USP47: variants seen among roughly 807,000 people sequenced by gnomAD.
USP47 encodes the protein ubiquitin specific peptidase 47.
USP47 carries 35 observed loss-of-function variants against 165.1 expected under a neutral mutation model. That is an observed-to-expected ratio of 0.21 (90% confidence interval 0.16 to 0.28). The LOEUF is 0.28. Among genes scored for constraint, USP47 ranks in the 10% least tolerant of loss-of-function variants. The probability of loss-of-function intolerance (pLI) is 1.00; values close to 1 mark genes in which losing one functional copy is unlikely to be tolerated. For synonymous variants in USP47, 531 were observed against 544.5 expected (o/e 0.98, Z 0.35); for missense variants, 1,277 against 1,607.4 (o/e 0.79, Z 3.52).
chr11:11,929,400 TCTC>T (rs1352949230), intron 11 of USP47, 31 bp from the exon 12 acceptor site: 1 of 1,604,360 alleles, frequency 6.2e-7, no homozygotes, highest in Non-Finnish European at 8.5e-7. Context: ...GTGTTTTCCT[TCTC>T]CTCTGAGTTA....
chr11:11,909,675 C>T (rs1036897381), intron 8 of USP47, among the ~76,000 whole-genome samples: 1 of 152,082 alleles, frequency 6.6e-6, no homozygotes, highest in South Asian at 2.1e-4. Flanking sequence ...TTGTTCATTA[C>T]GTACATTTAA....
chr11:11,905,332 T>C, intron 7 of USP47, 67 bp from the exon 8 acceptor site: 1 of 1,226,036 alleles, frequency 8.2e-7, no homozygotes, highest in Non-Finnish European at 1.1e-6. Context: ...CTAAAAAGTG[T>C]AGAATGTTAC....
At chr11:11,923,021 T>C (rs544585767) in intron 11 of USP47, 130 bp downstream of exon 11, 7 of 374,944 alleles carry the variant, frequency 1.9e-5, no homozygotes, top group African/African-American at 9.1e-5. Flanking sequence ...TTAAGACTTC[T>C]CAAATATAGT....
In USP47 at chr11:11,903,360, A is replaced by G. The variant is rs1852348826; in HGVS notation, c.819+18A>G. Reference sequence around the variant, plus strand: ...CAGAACAGGTAATTTATATCTCTCAAATCAAGGGGACTGTTTCCTAATAAA... The same window carrying G: ...CAGAACAGGTAATTTATATCTCTCAGATCAAGGGGACTGTTTCCTAATAAA... On this transcript the variant is annotated intron_variant, in intron 7 of 27. Coordinates refer to ENST00000527733, the MANE Select transcript of USP47 (RefSeq NM_001282659.2). 6.2e-7 allele frequency: 1 copy of G among 1,601,044 alleles called. No individual in the cohort carries two copies.
chr11:11,850,839 T>C (rs1848684904), intron 1 of USP47, among the ~76,000 whole-genome samples: 1 of 152,232 alleles, frequency 6.6e-6, no homozygotes, highest in South Asian at 2.1e-4. Context: ...AGATTTGGTG[T>C]CTGGTAAAAG....
At chr11:11,852,269 T>C (rs1417456854) in intron 1 of USP47, among the ~76,000 whole-genome samples, 1 of 152,232 alleles carries the variant, frequency 6.6e-6, no homozygotes, top group Non-Finnish European at 1.5e-5. Context: ...TTTAAATTCT[T>C]CTGTGAGGAG....
intron 19 of USP47, among the ~76,000 whole-genome samples, chr11:11,941,026 T>G (rs913090690): frequency 6.6e-6 from 1 of 151,994 alleles, no homozygotes; most frequent in African/African-American, 2.4e-5. Flanking sequence ...TACTTATTTT[T>G]CTCTGTTGGA....
intron 11 of USP47, among the ~76,000 whole-genome samples, chr11:11,923,713 C>G (rs1237314274): frequency 7.2e-5 from 11 of 152,156 alleles, no homozygotes; most frequent in African/African-American, 2.7e-4. Flanking sequence ...TAGAGTTTTA[C>G]TTTCATAAAT....
intron 20 of USP47, among the ~76,000 whole-genome samples, chr11:11,946,789 G>A (rs1229318671): frequency 2.0e-5 from 3 of 152,106 alleles, no homozygotes; most frequent in African/African-American, 7.2e-5. Flanking sequence ...AACTCAAAAG[G>A]TAGATAGTAA....
intron 10 of USP47, among the ~76,000 whole-genome samples, chr11:11,920,930 T>A (rs7480817): frequency 0.18 from 27,368 of 150,936 alleles, 2,912 homozygotes; most frequent in Admixed American, 0.35. Flanking sequence ...TAATTTCTTG[T>A]ACTTACCTAC....
At position 11,952,821 on chromosome 11, in the gene USP47, T is replaced by C; in HGVS notation, c.3664T>C (p.Phe1222Leu). The stretch of plus-strand genomic sequence containing the variant: ...GCCTTCAGAGATGAAGTTGGATCCC[T>C]TCCAGGAGGTTGTATTGGAAAGCAG... ...WKPSEMKLDP[F>L]QEVVLESSSV... Residue 1222 changes from phenylalanine (F) to leucine (L), a missense_variant, in exon 25 of 28, where the codon TTC becomes CTC. Phe to Leu is a conservative substitution (Grantham distance 22). Coordinates refer to ENST00000527733, the MANE Select transcript of USP47 (RefSeq NM_001282659.2). 6.2e-7 allele frequency: 1 copy of C among 1,612,700 alleles called. No individual in the cohort carries two copies. Among genetic ancestry groups the C allele is most frequent in the Non-Finnish European group, 8.5e-7 (1 of 1,179,216 alleles).
chr11:11,920,173 A>G lies in USP47; in HGVS notation c.987A>G (p.Ala329=). Residue 329 remains alanine (A), a synonymous_variant, in exon 9 of 28, where the codon GCA becomes GCG. Transcript: ENST00000527733. ...AFASVEEALH[A]FIQPEILDGP... is the part of the protein sequence containing the mutation. ...CTAACTAGGAAGAAGCATTGCATGC[A>G]TTTATTCAGCCAGAGATTCTGGATG... The G allele has an allele frequency of 6.2e-7, 1 of 1,600,186 alleles. No individual in the cohort carries two copies. Among genetic ancestry groups the G allele is most frequent in the Non-Finnish European group, 8.5e-7 (1 of 1,173,608 alleles).
At chr11:11,933,193 C>T (rs1418797845) in intron 15 of USP47, 77 bp downstream of exon 15, 8 of 1,131,590 alleles carry the variant, frequency 7.1e-6, no homozygotes, top group African/African-American at 1.5e-5. Flanking sequence ...ATGACTAACT[C>T]ATTGGGTTGA....
chr11:11,882,958 CTG>C (rs1195148214), intron 2 of USP47, among the ~76,000 whole-genome samples: 2 of 152,156 alleles, frequency 1.3e-5, no homozygotes, highest in Non-Finnish European at 2.9e-5. Context: ...AGCTCTATTT[CTG>C]TATTTTTATT....
intron 1 of USP47, among the ~76,000 whole-genome samples, chr11:11,847,732 T>C (rs1405911724): frequency 6.6e-6 from 1 of 152,242 alleles, no homozygotes; most frequent in Non-Finnish European, 1.5e-5. Flanking sequence ...GCCTTTCTAA[T>C]TGGTCAGTCT....
At chr11:11,938,727 G>A (rs137992098) in intron 18 of USP47, among the ~76,000 whole-genome samples, 20 of 152,006 alleles carry the variant, frequency 1.3e-4, no homozygotes, top group African/African-American at 4.1e-4. Flanking sequence ...TTTTAAGTGC[G>A]GCAATGCTGC....
intron 8 of USP47, among the ~76,000 whole-genome samples, chr11:11,915,634 T>C (rs897794428): frequency 2.0e-5 from 3 of 152,164 alleles, no homozygotes; most frequent in African/African-American, 7.2e-5. Context: ...ATGTTATTTC[T>C]TACGATTGCA....
intron 20 of USP47, 40 bp from the exon 21 acceptor site, chr11:11,947,905 T>C (rs751170263): frequency 1.3e-6 from 2 of 1,564,202 alleles, no homozygotes; most frequent in Non-Finnish European, 1.7e-6. Flanking sequence ...AGGTTTCTTT[T>C]ACATTTTTGT....
At chr11:11,947,705 CTAAA>C (rs1855934493) in intron 20 of USP47, among the ~76,000 whole-genome samples, 1 of 152,130 alleles carries the variant, frequency 6.6e-6, no homozygotes, top group Admixed American at 6.6e-5. Flanking sequence ...GTTTGGCAAC[CTAAA>C]CAAAGAAACA....
Sources: gnomAD v4.1 joint callset for allele counts (sites outside exome capture counted in the v4.1 genomes callset) on GRCh38, gnomAD v4.1.1 for gene constraint, MANE v1.5 for transcripts, NCBI Gene and HGNC (gene_info 2026-07-23, HGNC 2026-07-21) for gene names.